Variants in SDK1 observed in about 807,000 individuals in gnomAD.
The protein encoded by SDK1 is sidekick cell adhesion molecule 1.
In SDK1, 157 loss-of-function variants were observed where a neutral mutation model predicts 245.5. That is an observed-to-expected ratio of 0.64 (90% confidence interval 0.56 to 0.73). The LOEUF (loss-of-function observed/expected upper bound fraction) is 0.73. Among genes scored for constraint, SDK1 ranks in the 30% least tolerant of loss-of-function variants. The pLI, the probability that SDK1 is intolerant of heterozygous loss-of-function variation, is 0.00. For missense variants in SDK1, 3,583 were observed against 3,002.3 expected (o/e 1.19, Z -4.52); for synonymous variants, 1,647 against 1,278.5 (o/e 1.29, Z -6.15).
chr7:4,103,088 C>T (rs972310326), intron 22 of SDK1, among the ~76,000 whole-genome samples: 1 of 151,472 alleles, frequency 6.6e-6, no homozygotes, highest in Non-Finnish European at 1.5e-5. Context: ...GCAAGCTCCG[C>T]CTGCCGGGCT....
At chr7:4,227,458 C>A (rs539475464) in intron 40 of SDK1, 2 of 470,400 alleles carry the variant, frequency 4.3e-6, no homozygotes, top group Non-Finnish European at 8.8e-6. Context: ...ATGTATTTAG[C>A]CTCATGTTTA....
chr7:4,255,068 G>T (rs1787544645), intron 44 of SDK1, among the ~76,000 whole-genome samples: 2 of 152,204 alleles, frequency 1.3e-5, no homozygotes, highest in African/African-American at 4.8e-5. Flanking sequence ...TTCTGCAGTT[G>T]CCAGATGCTG....
At chr7:3,562,250 C>T (rs1779773118) in intron 1 of SDK1, among the ~76,000 whole-genome samples, 1 of 152,326 alleles carries the variant, frequency 6.6e-6, no homozygotes, top group South Asian at 2.1e-4. Flanking sequence ...CAAAAATAAC[C>T]TGCCATCATC....
At chr7:3,973,017 C>T (rs1420300627) in intron 12 of SDK1, among the ~76,000 whole-genome samples, 1 of 152,202 alleles carries the variant, frequency 6.6e-6, no homozygotes. Context: ...TTTTCTGCTA[C>T]TCTGACAGCT....
At chr7:3,458,482 T>A (rs754344218) in intron 1 of SDK1, among the ~76,000 whole-genome samples, 7 of 152,144 alleles carry the variant, frequency 4.6e-5, no homozygotes, top group Non-Finnish European at 7.4e-5. Flanking sequence ...TTCCCTCTTT[T>A]ATTGCTCAGT....
At chr7:3,876,159 C>A (rs1450548407) in intron 5 of SDK1, among the ~76,000 whole-genome samples, 1 of 152,176 alleles carries the variant, frequency 6.6e-6, no homozygotes, top group Non-Finnish European at 1.5e-5. Flanking sequence ...TCCAGACTCT[C>A]CCAGTGTCCT....
chr7:3,533,783 G>A (rs779832002), intron 1 of SDK1, among the ~76,000 whole-genome samples: 4 of 148,824 alleles, frequency 2.7e-5, no homozygotes, highest in African/African-American at 7.5e-5. Context: ...TGCTTCCCCC[G>A]CCCCCCATTC....
At chr7:3,495,462 T>C (rs1781995392) in intron 1 of SDK1, among the ~76,000 whole-genome samples, 1 of 152,032 alleles carries the variant, frequency 6.6e-6, no homozygotes, top group African/African-American at 2.4e-5. Context: ...TTTTGCCATG[T>C]TGCCCAGGCA....
intron 2 of SDK1, among the ~76,000 whole-genome samples, chr7:3,622,127 T>C (rs1196745828): frequency 1.3e-5 from 2 of 152,166 alleles, no homozygotes; most frequent in East Asian, 3.9e-4. Flanking sequence ...ATTTTCAACA[T>C]ACGCTAAGTT....
At chr7:3,370,410 G>A (rs545403452) in intron 1 of SDK1, among the ~76,000 whole-genome samples, 1 of 152,196 alleles carries the variant, frequency 6.6e-6, no homozygotes, top group Non-Finnish European at 1.5e-5. Flanking sequence ...CTTCACAGTG[G>A]TGTGAAAAAG....
intron 5 of SDK1, among the ~76,000 whole-genome samples, chr7:3,934,361 G>A (rs1329078682): frequency 6.6e-6 from 1 of 152,056 alleles, no homozygotes; most frequent in Admixed American, 6.6e-5. Flanking sequence ...CTTTGTTCTT[G>A]GTTTATCTAT....
At chr7:4,245,166 C>G (rs532554461) in intron 43 of SDK1, among the ~76,000 whole-genome samples, 1 of 152,224 alleles carries the variant, frequency 6.6e-6, no homozygotes, top group Non-Finnish European at 1.5e-5. Flanking sequence ...AGAATTCCAC[C>G]AGCCAGAGAG....
intron 1 of SDK1, among the ~76,000 whole-genome samples, chr7:3,486,953 T>G (rs1781717122): frequency 6.6e-6 from 1 of 152,214 alleles, no homozygotes; most frequent in South Asian, 2.1e-4. Context: ...TTATATTTGC[T>G]TTGCTAAGAT....
In SDK1 at chr7:4,149,465, T is replaced by C; in HGVS notation, c.4625+2T>C. ...GGCGACAGCATGCGTCGTTGACAGG[T>C]ACTGAGAGAGCAGGAGCACCTCCCC... On this transcript the variant is annotated splice_donor_variant, in intron 30 of 44. Coordinates refer to ENST00000404826, the MANE Select transcript of SDK1 (RefSeq NM_152744.4). LOFTEE classifies it high-confidence loss of function. The C allele has an allele frequency of 1.4e-6, 2 of 1,474,126 alleles. No individual in the cohort carries two copies. Among genetic ancestry groups the C allele is most frequent in the Non-Finnish European group, 1.8e-6 (2 of 1,109,578 alleles). 91.3% of individuals were successfully genotyped at this position (1,474,126 alleles called of 1,614,324 possible).
At chr7:3,744,940 C>T (rs1195154373) in intron 4 of SDK1, among the ~76,000 whole-genome samples, 1 of 151,812 alleles carries the variant, frequency 6.6e-6, no homozygotes, top group Non-Finnish European at 1.5e-5. Flanking sequence ...TTTCTTTTTC[C>T]CTCACGAAGG....
At chr7:3,919,689 C>G (rs1264218845) in intron 5 of SDK1, among the ~76,000 whole-genome samples, 1 of 152,202 alleles carries the variant, frequency 6.6e-6, no homozygotes, top group Non-Finnish European at 1.5e-5. Flanking sequence ...CCATGTTGCT[C>G]TACTGGGCCC....
intron 1 of SDK1, among the ~76,000 whole-genome samples, chr7:3,377,621 T>TAGGG (rs1170940693): frequency 6.6e-6 from 1 of 151,976 alleles, no homozygotes; most frequent in East Asian, 1.9e-4. Flanking sequence ...TTCCCTTTGT[T>TAGGG]CTCTCTCAAG....
At chr7:3,558,010 G>A (rs1275640998) in intron 1 of SDK1, among the ~76,000 whole-genome samples, 2 of 52,182 alleles carry the variant, frequency 3.8e-5, no homozygotes, top group Non-Finnish European at 8.9e-5. Flanking sequence ...CCCACCCCCC[G>A]ACCCTGTTCC....
chr7:4,190,424 C>T (rs573542344), intron 35 of SDK1, among the ~76,000 whole-genome samples: 1 of 152,328 alleles, frequency 6.6e-6, no homozygotes, highest in Admixed American at 6.5e-5. Context: ...ACCGTTGCTC[C>T]GTTTCACAGA....
Sources: allele counts gnomAD v4.1 joint callset (sites outside exome capture counted in the v4.1 genomes callset), GRCh38; gene constraint gnomAD v4.1.1; transcripts MANE v1.5; gene names NCBI Gene and HGNC (gene_info 2026-07-23, HGNC 2026-07-21).